The following IL1RAPL2 variants were observed in gnomAD, a reference collection of about 807,000 sequenced individuals.
IL1RAPL2 encodes X-linked interleukin-1 receptor accessory protein-like 2.
In IL1RAPL2, 3 loss-of-function variants were observed where a neutral mutation model predicts 44.1. That is an observed-to-expected ratio of 0.07 (90% CI 0.03 to 0.18). IL1RAPL2 has a LOEUF of 0.18. Among genes scored for constraint, IL1RAPL2 ranks in the 10% least tolerant of loss-of-function variants. IL1RAPL2 has a pLI of 1.00. For synonymous variants in IL1RAPL2, 181 were observed against 178.8 expected, an observed-to-expected ratio of 1.01 and a Z score of -0.10; for missense variants, 391 against 496.4, an observed-to-expected ratio of 0.79 and a Z score of 2.02.
At chrX:105,035,388 C>G (rs1328130450) in intron 2 of IL1RAPL2, among the ~76,000 whole-genome samples, 2 of 111,889 alleles carry the variant, frequency 1.8e-5, no homozygotes, top group African/African-American at 6.5e-5. Context: ...TTGGCTCCAC[C>G]CTCTTATGTT....
At chrX:104,889,930 C>T (rs892342997) in intron 2 of IL1RAPL2, among the ~76,000 whole-genome samples, 4 of 110,942 alleles carry the variant, frequency 3.6e-5, no homozygotes, top group African/African-American at 1.3e-4. Context: ...GGTGTATCTC[C>T]TAATGCTATC....
At chrX:105,319,986 GTGTGTGTGTGTATA>G (rs2034885145) in intron 5 of IL1RAPL2, among the ~76,000 whole-genome samples, 1 of 111,255 alleles carries the variant, frequency 9.0e-6, no homozygotes, top group African/African-American at 3.3e-5. Context: ...TGAAGAGTCA[GTGTGTGTGTGTATA>G]TGTGTGTGTG....
At chrX:105,078,188 T>G (rs747308387) in intron 2 of IL1RAPL2, among the ~76,000 whole-genome samples, 1 of 111,638 alleles carries the variant, frequency 9.0e-6, no homozygotes, top group East Asian at 2.8e-4. Context: ...TCTTTGATGA[T>G]GGTGACGTAT....
intron 4 of IL1RAPL2, among the ~76,000 whole-genome samples, chrX:105,240,165 TAAC>T (rs1208631263): frequency 1.8e-5 from 2 of 112,668 alleles, no homozygotes; most frequent in Non-Finnish European, 3.7e-5. Flanking sequence ...GAACTTTTAA[TAAC>T]AAAAACTTTA....
intron 2 of IL1RAPL2, among the ~76,000 whole-genome samples, chrX:104,903,745 T>C (rs916765110): frequency 9.1e-6 from 1 of 109,624 alleles, no homozygotes; most frequent in African/African-American, 3.3e-5. Flanking sequence ...GCCTGGCTAA[T>C]TTTTTGTATT....
At chrX:105,179,629 A>G (rs1321591251) in intron 2 of IL1RAPL2, among the ~76,000 whole-genome samples, 1 of 111,419 alleles carries the variant, frequency 9.0e-6, no homozygotes, top group Admixed American at 9.6e-5. Flanking sequence ...TGAGCATAGG[A>G]TGTTTATCTA....
intron 1 of IL1RAPL2, among the ~76,000 whole-genome samples, chrX:104,628,083 T>C (rs185742240): frequency 3.6e-5 from 4 of 111,797 alleles, no homozygotes; most frequent in Admixed American, 2.9e-4. Context: ...TTTTTACATA[T>C]GTATGGGGTA....
chrX:104,620,282 C>T (rs74443823), intron 1 of IL1RAPL2, among the ~76,000 whole-genome samples: 1 of 110,196 alleles, frequency 9.1e-6, no homozygotes, highest in African/African-American at 3.3e-5. Context: ...CACTATAGAA[C>T]TTCTCCATGT....
chrX:104,841,147 T>C (rs762699807), intron 2 of IL1RAPL2, among the ~76,000 whole-genome samples: 1 of 112,258 alleles, frequency 8.9e-6, no homozygotes, highest in African/African-American at 3.2e-5. Context: ...TGGAATGCCC[T>C]TCTTTGTCTT....
chrX:105,184,668 G>A (rs191214869), intron 2 of IL1RAPL2, among the ~76,000 whole-genome samples: 13 of 109,247 alleles, frequency 1.2e-4, no homozygotes, highest in East Asian at 2.9e-4. Flanking sequence ...GTATTATTTC[G>A]TAGTATTATG....
At chrX:104,946,409 A>AAAAAAAAAATTT (rs1163144267) in intron 2 of IL1RAPL2, among the ~76,000 whole-genome samples, 1 of 84,967 alleles carries the variant, frequency 1.2e-5, no homozygotes, top group Non-Finnish European at 2.3e-5. Flanking sequence ...AAAAAAAAAA[A>AAAAAAAAAATTT]CTTTTTAAAA....
At chrX:104,864,278 A>T (rs1231325104) in intron 2 of IL1RAPL2, among the ~76,000 whole-genome samples, 1 of 112,469 alleles carries the variant, frequency 8.9e-6, no homozygotes, top group Non-Finnish European at 1.9e-5. Context: ...CTCAGGCTAA[A>T]GATAGTCCTT....
At chrX:104,802,358 AAC>A (rs1449019207) in intron 2 of IL1RAPL2, among the ~76,000 whole-genome samples, 1 of 109,428 alleles carries the variant, frequency 9.1e-6, no homozygotes, top group African/African-American at 3.3e-5. Flanking sequence ...AAAAAAAAAA[AAC>A]AAAACAAATA....
chrX:105,307,565 ATATATTATATATAATATATATTTTC>A (rs2034756400), intron 5 of IL1RAPL2, among the ~76,000 whole-genome samples: 1 of 50,596 alleles, frequency 2.0e-5, no homozygotes, highest in Admixed American at 3.4e-4. Flanking sequence ...TTTCTATTAT[ATATATTATATATAATATATATTTTC>A]TATTATATAT....
chrX:104,568,850 A>G (rs1310640351), intron 1 of IL1RAPL2, among the ~76,000 whole-genome samples: 3 of 111,507 alleles, frequency 2.7e-5, no homozygotes, highest in Non-Finnish European at 5.7e-5. Context: ...CCCCTGCTCT[A>G]TGGCCAGTAC....
rs561540839 is a variant in IL1RAPL2 at position 104,952,428 on chromosome X, G to A, written c.83-243047G>A. ...TATTTCTTGATAGATAAAAGAGAGA[G>A]CCCTCCAGAATGCAGTCAAATGTGT... On this transcript the variant is annotated intron_variant, in intron 2 of 10. Coordinates refer to ENST00000372582, the MANE Select transcript of IL1RAPL2 (RefSeq NM_017416.2). 4.5e-4 allele frequency among the ~76,000 whole-genome samples: 50 copies of A among 111,995 alleles called. 1 individual carries two copies. Among genetic ancestry groups the A allele is most frequent in the Middle Eastern group, 4.6e-3 (1 of 218 alleles).
intron 2 of IL1RAPL2, among the ~76,000 whole-genome samples, chrX:104,750,692 T>G (rs769838341): frequency 7.4e-4 from 82 of 111,120 alleles, no homozygotes; most frequent in African/African-American, 2.6e-3. Flanking sequence ...CCAAAGCCCC[T>G]AAAGTAACTT....
intron 5 of IL1RAPL2, among the ~76,000 whole-genome samples, chrX:105,351,605 G>A (rs1030869741): frequency 1.8e-5 from 2 of 109,934 alleles, no homozygotes; most frequent in Non-Finnish European, 3.8e-5. Context: ...ACAGGGAGGG[G>A]AACATCACAC....
chrX:105,527,490 T>C (rs918457494), intron 6 of IL1RAPL2, among the ~76,000 whole-genome samples: 1 of 107,423 alleles, frequency 9.3e-6, no homozygotes, highest in Non-Finnish European at 1.9e-5. Flanking sequence ...CGAAATAGTT[T>C]AGGGATTTTA....
Sources: allele counts gnomAD v4.1 joint callset (sites outside exome capture counted in the v4.1 genomes callset), GRCh38; gene constraint gnomAD v4.1.1; transcripts MANE v1.5; gene names NCBI Gene and HGNC (gene_info 2026-07-23, HGNC 2026-07-21).